Variants in CAPS2 observed in about 807,000 individuals in gnomAD.
CAPS2 encodes calcyphosin-2.
CAPS2 carries 98 observed loss-of-function variants against 86.5 expected under a neutral mutation model. The ratio of observed to expected loss-of-function variants is 1.13; its 90% confidence interval spans 0.96 to 1.34. The LOEUF is 1.34. CAPS2 is among the 40% of genes most tolerant of loss of function. The pLI, the probability that CAPS2 is intolerant of heterozygous loss-of-function variation, is 0.00. For missense variants in CAPS2, 729 were observed against 686.8 expected, an observed-to-expected ratio of 1.06 and a Z score of -0.69; for synonymous variants, 210 against 225.1, an observed-to-expected ratio of 0.93 and a Z score of 0.60.
At chr12:75,309,471 CT>C (rs1265306270) in intron 7 of CAPS2, among the ~76,000 whole-genome samples, 1 of 152,180 alleles carries the variant, frequency 6.6e-6, no homozygotes, top group Non-Finnish European at 1.5e-5. Flanking sequence ...CTGTACACAC[CT>C]TTTAACAATC....
chr12:75,307,012 G>A (rs1040283949), intron 7 of CAPS2, among the ~76,000 whole-genome samples: 1 of 152,004 alleles, frequency 6.6e-6, no homozygotes, highest in Non-Finnish European at 1.5e-5. Context: ...ATATGTGTAC[G>A]GCCACAGGAG....
intron 1 of CAPS2, among the ~76,000 whole-genome samples, chr12:75,337,688 T>C (rs2041831488): frequency 1.3e-5 from 2 of 152,030 alleles, no homozygotes; most frequent in Admixed American, 6.5e-5. Flanking sequence ...CATATATGCG[T>C]GCCATGTTAT....
chr12:75,290,124 C>T (rs1315720975), intron 13 of CAPS2, among the ~76,000 whole-genome samples: 2 of 152,084 alleles, frequency 1.3e-5, no homozygotes, highest in African/African-American at 4.8e-5. Context: ...TTTAACCACC[C>T]CATATCTTTA....
At chr12:75,347,560 A>G in intron 1 of CAPS2, 1 of 1,002,938 alleles carries the variant, frequency 1.0e-6, no homozygotes, top group Non-Finnish European at 1.6e-6. Flanking sequence ...CCAATTCTCT[A>G]AATGCATTGT....
chr12:75,324,601 C>T (rs2040597947), intron 2 of CAPS2, among the ~76,000 whole-genome samples: 1 of 152,042 alleles, frequency 6.6e-6, no homozygotes, highest in Non-Finnish European at 1.5e-5. Context: ...ATCTATCACA[C>T]AGAACCACAT....
At chr12:75,359,355 G>GTTTTTTTTTTT (rs1463566931) in intron 1 of CAPS2, among the ~76,000 whole-genome samples, 5 of 46,444 alleles carry the variant, frequency 1.1e-4, no homozygotes, top group Non-Finnish European at 2.1e-4. Context: ...CAGCATTGTT[G>GTTTTTTTTTTT]TCTTTTTTTT....
chr12:75,287,731 G>T (rs1193317893), intron 14 of CAPS2, among the ~76,000 whole-genome samples: 1 of 152,156 alleles, frequency 6.6e-6, no homozygotes, highest in Non-Finnish European at 1.5e-5. Flanking sequence ...ATCCATTAGA[G>T]TAAACCAGTA....
chr12:75,280,041 T>G (rs2033642334), intron 16 of CAPS2, among the ~76,000 whole-genome samples: 1 of 151,914 alleles, frequency 6.6e-6, no homozygotes, highest in Non-Finnish European at 1.5e-5. Flanking sequence ...TAACTAAATT[T>G]TTTTCAGTCC....
chr12:75,306,104 C>G (rs2038455616), intron 7 of CAPS2: 3 of 1,342,788 alleles, frequency 2.2e-6, no homozygotes, highest in South Asian at 2.4e-5. Flanking sequence ...GGAAGAAGCA[C>G]TCCACCTTCC....
upstream of CAPS2, chr12:75,329,813 A>G: frequency 1.3e-6 from 2 of 1,535,710 alleles, no homozygotes; most frequent in Admixed American, 2.0e-5. Context: ...CTCCCAAATT[A>G]TATTATAATT....
chr12:75,287,376 A>AC (rs2138178379), intron 14 of CAPS2, among the ~76,000 whole-genome samples: 1 of 152,038 alleles, frequency 6.6e-6, no homozygotes, highest in South Asian at 2.1e-4. Context: ...AGGCCATAAG[A>AC]CCCCCATTTC....
chr12:75,276,964 T>C (rs2033041773), downstream of CAPS2: 1 of 984,538 alleles, frequency 1.0e-6, no homozygotes, highest in Non-Finnish European at 1.2e-6. Flanking sequence ...TGCTCTTTTA[T>C]TAAGTTTAAC....
At chr12:75,321,321 G>A in intron 5 of CAPS2, 79 bp downstream of exon 5, 1 of 877,440 alleles carries the variant, frequency 1.1e-6, no homozygotes, top group Non-Finnish European at 1.7e-6. Context: ...AGCAAGATAT[G>A]TCACACAAAA....
At chr12:75,351,327 T>C (rs1414052456) in intron 1 of CAPS2, among the ~76,000 whole-genome samples, 1 of 152,016 alleles carries the variant, frequency 6.6e-6, no homozygotes, top group African/African-American at 2.4e-5. Context: ...ATTCAGGAAA[T>C]CCAGAGAACC....
At chr12:75,388,687 G>A (rs921840948) in intron 1 of CAPS2, among the ~76,000 whole-genome samples, 3 of 152,140 alleles carry the variant, frequency 2.0e-5, no homozygotes, top group East Asian at 3.8e-4. Context: ...GCAGCAAAAC[G>A]ACTCTATATG....
chr12:75,335,945 G>T (rs963040276), intron 1 of CAPS2, among the ~76,000 whole-genome samples: 1 of 151,802 alleles, frequency 6.6e-6, no homozygotes, highest in African/African-American at 2.4e-5. Flanking sequence ...TAAATGTGGG[G>T]TTAAATATAA....
intron 7 of CAPS2, 93 bp from the exon 8 acceptor site, chr12:75,304,969 C>A: frequency 9.5e-7 from 1 of 1,057,922 alleles, no homozygotes; most frequent in Non-Finnish European, 1.3e-6. Flanking sequence ...AGCTCATATA[C>A]CAAATGCAAA....
At chr12:75,328,527 C>T (rs75948869), upstream of CAPS2, among the ~76,000 whole-genome samples, 3 of 152,104 alleles carry the variant, frequency 2.0e-5, no homozygotes, top group Non-Finnish European at 2.9e-5. Context: ...AGAAGGTTGG[C>T]GTCTCCCACC....
chr12:75,299,911 C>A lies in CAPS2; in HGVS notation c.780G>T (p.Lys260Asn), dbSNP rs117647160. 12 of 1,334,002 alleles carry A rather than the reference C, an allele frequency of 9.0e-6. No individual in the cohort carries two copies. The South Asian group carries it at 1.8e-4, about 21-fold the overall frequency. 82.6% of individuals were successfully genotyped at this position (1,334,002 alleles called of 1,614,324 possible). Residue 260 changes from lysine to asparagine, a missense_variant and splice_region_variant, in exon 9 of 17, where the codon AAG (lysine) becomes AAT (asparagine). By Grantham distance (94) the Lys-to-Asn change is moderately conservative. Transcript: ENST00000393284. ...CAGTTAATGTAGAATGAGTTCTTAT[C>A]CTGTTAAGAAATACATTTTGTCAGT...
Sources: allele counts gnomAD v4.1 joint callset (sites outside exome capture counted in the v4.1 genomes callset), GRCh38; gene constraint gnomAD v4.1.1; transcripts MANE v1.5; gene names NCBI Gene and HGNC (gene_info 2026-07-23, HGNC 2026-07-21).